CHD5: variants seen among roughly 807,000 people sequenced by gnomAD.
CHD5 encodes the protein ATP-dependent chromatin remodeler CHD5.
In CHD5, 69 loss-of-function variants were observed where a neutral mutation model predicts 230.3. That is an observed-to-expected ratio of 0.30 (90% CI 0.25 to 0.37). The LOEUF (loss-of-function observed/expected upper bound fraction) is 0.37. Ranked by LOEUF, CHD5 falls within the 10% of genes least tolerant of loss-of-function variation. The pLI is 1.00. For synonymous variants in CHD5, 1,064 were observed against 1,065.9 expected (o/e 1.00, Z 0.03); for missense variants, 1,827 against 2,622.8 (o/e 0.70, Z 6.63).
chr1:6,121,475 A>C lies in CHD5; in HGVS notation c.4779+19T>G, dbSNP rs770374971. On this transcript the variant is annotated intron_variant, in intron 32 of 41. Coordinates refer to ENST00000262450, the MANE Select transcript of CHD5 (RefSeq NM_015557.3). This position sits in a 1 kb window ranked among gnomAD's most constrained non-coding sequence, Gnocchi z 4.5. ...CACCCCACACACACCACAGGCCCAGACGCCAGCAAGTTCCACACCTGGACT... is the reference window on the plus strand; with the variant it reads ...CACCCCACACACACCACAGGCCCAGCCGCCAGCAAGTTCCACACCTGGACT... 1.2e-6 allele frequency: 2 copies of C among 1,603,612 alleles called. No homozygotes were observed. The highest frequency in any genetic ancestry group is 1.7e-6 in the Non-Finnish European group (2 of 1,173,940).
At chr1:6,170,829 G>A (rs895708165) in intron 1 of CHD5, among the ~76,000 whole-genome samples, 2 of 152,220 alleles carry the variant, frequency 1.3e-5, no homozygotes, top group African/African-American at 4.8e-5. Flanking sequence ...CTGCAGAGCA[G>A]GTGTCGGTGG....
In CHD5 at chr1:6,126,999, G is replaced by T; in HGVS notation, c.3904-253C>A. 1 of 541,172 alleles carries T rather than the reference G, an allele frequency of 1.8e-6. No homozygotes were observed. Among genetic ancestry groups the T allele is most frequent in the Non-Finnish European group, 3.3e-6 (1 of 300,150 alleles). The allele number at this position is 541,172 out of a possible 1,614,324, so 33.5% of individuals were successfully genotyped here. A position where few individuals can be genotyped will look rare whatever the true frequency, so the allele number is the denominator to read the frequency against. Reference sequence around the variant, plus strand: ...CAAGTATTTCCTCGCCTCCTGTCAAGCACTGAGGTACTGAGTTGAATAAGC... The same window carrying T: ...CAAGTATTTCCTCGCCTCCTGTCAATCACTGAGGTACTGAGTTGAATAAGC... On this transcript the variant is annotated intron_variant, in intron 25 of 41. Transcript: ENST00000262450. This position sits in a 1 kb window ranked among gnomAD's most constrained non-coding sequence, Gnocchi z 5.7.
chr1:6,142,582 C>T lies in CHD5; in HGVS notation c.2067G>A (p.Gln689=), dbSNP rs766302827. The change falls in exon 14 of 42, where the codon CAG becomes CAA. Residue 689 remains glutamine, a synonymous_variant. Coordinates refer to ENST00000262450, the MANE Select transcript of CHD5 (RefSeq NM_015557.3). The surrounding 1 kb of genome is among the most constrained non-coding windows in gnomAD (Gnocchi z 5.2). ...IVDPTVKFDK[Q]PWYIDSTGGT... ...CGCCTGTGGAGTCGATGTACCATGGCTGCTTGTCGAACTTGACCGTGGGCT... is the reference window on the plus strand; with the variant it reads ...CGCCTGTGGAGTCGATGTACCATGGTTGCTTGTCGAACTTGACCGTGGGCT... The T allele has an allele frequency of 3.1e-6, 5 of 1,612,876 alleles. No individual in the cohort carries two copies. Among genetic ancestry groups the T allele is most frequent in the Middle Eastern group, 1.7e-4 (1 of 5,804 alleles).
At chr1:6,176,331 T>C (rs1221847217) in intron 1 of CHD5, among the ~76,000 whole-genome samples, 1 of 152,190 alleles carries the variant, frequency 6.6e-6, no homozygotes, top group Non-Finnish European at 1.5e-5. Flanking sequence ...GGGCCAATTG[T>C]CACTGGGGCC....
intron 1 of CHD5, among the ~76,000 whole-genome samples, chr1:6,173,110 T>G (rs1387582689): frequency 1.2e-5 from 1 of 86,362 alleles, no homozygotes; most frequent in South Asian, 3.3e-4. Context: ...CGTTATTTCT[T>G]TTTTTTTTTT....
In CHD5 at chr1:6,126,951, T is replaced by C. The variant is rs1666568544; in HGVS notation, c.3904-205A>G. The C allele has an allele frequency of 5.1e-6, 3 of 590,400 alleles. No homozygotes were observed. In the South Asian group the frequency reaches 6.1e-5, roughly 12 times the overall value. The allele number at this position is 590,400 out of a possible 1,614,324, so 36.6% of individuals were successfully genotyped here. Reference sequence around the variant, plus strand: ...GCCCCTATCCAGTCAATCATTTACTTATTCATCCATCCATTCACAAAGCAA... The same window carrying C: ...GCCCCTATCCAGTCAATCATTTACTCATTCATCCATCCATTCACAAAGCAA... On this transcript the variant is annotated intron_variant, in intron 25 of 41. Transcript: ENST00000262450. This position sits in a 1 kb window ranked among gnomAD's most constrained non-coding sequence, Gnocchi z 5.7.
chr1:6,152,775 CT>C (rs1024476156), intron 5 of CHD5, among the ~76,000 whole-genome samples: 5 of 152,352 alleles, frequency 3.3e-5, no homozygotes, highest in African/African-American at 1.2e-4. Context: ...CTTGCTGCCC[CT>C]TGTCCATGAC....
Position 6,106,272 on chromosome 1 carries a change from G to A in CHD5, c.*8C>T, listed in dbSNP as rs1381298696. On this transcript the variant is annotated 3_prime_UTR_variant, in exon 41 of 42. Coordinates refer to ENST00000262450, the MANE Select transcript of CHD5 (RefSeq NM_015557.3). ...GAGCGCTGCAACACAGGGAAGTCTC[G>A]AGGACGGCTAGATATCTGTCAAAAA... is the stretch of plus-strand genomic sequence containing the variant. The A allele has an allele frequency of 3.7e-6, 6 of 1,612,814 alleles. No homozygotes were observed. The highest frequency in any genetic ancestry group is 2.2e-5 in the East Asian group (1 of 44,888).
Position 6,126,846 on chromosome 1 carries a change from C to T in CHD5, c.3904-100G>A. On this transcript the variant is annotated intron_variant, in intron 25 of 41. Coordinates refer to ENST00000262450, the MANE Select transcript of CHD5 (RefSeq NM_015557.3). The surrounding 1 kb of genome is among the most constrained non-coding windows in gnomAD (Gnocchi z 5.7). ...TGACCTGCCCTTTGCCCCCTCAGGG[C>T]TCAAGGATTAATGGGATGGCCTGCC... 8.9e-7 allele frequency: 1 copy of T among 1,120,698 alleles called. No homozygotes were observed. Among genetic ancestry groups the T allele is most frequent in the Non-Finnish European group, 1.3e-6 (1 of 776,584 alleles). The allele number at this position is 1,120,698 out of a possible 1,614,324, so 69.4% of individuals were successfully genotyped here.
rs769432794 is a variant in CHD5 at position 6,129,004 on chromosome 1, C to T, written c.3453G>A (p.Arg1151=). 6.2e-7 allele frequency: 1 copy of T among 1,611,934 alleles called. No homozygotes were observed. The highest frequency in any genetic ancestry group is 1.3e-5 in the African/African-American group (1 of 75,038). Residue 1151 remains arginine (R), a synonymous_variant, in exon 23 of 42, where the codon CGG becomes CGA. Transcript: ENST00000262450. The surrounding 1 kb of genome is among the most constrained non-coding windows in gnomAD (Gnocchi z 6.8). The stretch of plus-strand genomic sequence containing the variant: ...GCGTGATGCGCTCCTCCACCGAGGC[C>T]CGAGTCACGAAGCGGTAGATCATCA... ...KKVMIYRFVT[R]ASVEERITQV...
chr1:6,123,999 G>A lies in CHD5; in HGVS notation c.4648C>T (p.Pro1550Ser), dbSNP rs199810631. Residue 1550 changes from proline (P) to serine (S), a missense_variant, in exon 31 of 42, where the codon CCA becomes TCA. By Grantham distance (74) the Pro-to-Ser change is moderately conservative (BLOSUM62 -1). This residue lies in a region of CHD5 where 272 missense variants were observed against 263.2 expected (regional missense o/e 1.03). Coordinates refer to ENST00000262450, the MANE Select transcript of CHD5 (RefSeq NM_015557.3). ...AGGTGGGCAGGGCTGGCGGGCACTG[G>A]TGTGTTGGGGTCCGAGGAGATCACC... The part of the protein sequence containing the change: ...GEVISSDPNT[P>S]VPASPAHLLP... The A allele has an allele frequency of 1.2e-6, 2 of 1,610,578 alleles. No homozygotes were observed. The highest frequency in any genetic ancestry group is 4.5e-5 in the East Asian group (2 of 44,370).
chr1:6,178,958 A>T (rs1667466411), intron 1 of CHD5, among the ~76,000 whole-genome samples: 1 of 152,126 alleles, frequency 6.6e-6, no homozygotes, highest in Non-Finnish European at 1.5e-5. Context: ...GAGAGGCCAC[A>T]GACTTGGCGC....
At chr1:6,145,793 G>C (rs1666899806) in intron 11 of CHD5, among the ~76,000 whole-genome samples, 1 of 152,204 alleles carries the variant, frequency 6.6e-6, no homozygotes, top group Non-Finnish European at 1.5e-5. Context: ...CAGTAAAACA[G>C]AGGTGAAAGT....
chr1:6,166,057 T>C (rs1667247835), intron 2 of CHD5, among the ~76,000 whole-genome samples: 3 of 150,956 alleles, frequency 2.0e-5, no homozygotes, highest in Admixed American at 1.3e-4. Flanking sequence ...GGCCCAGTGG[T>C]AAGGGGGGGT....
intron 17 of CHD5, among the ~76,000 whole-genome samples, chr1:6,136,035 A>C (rs1571152587): frequency 9.6e-6 from 1 of 104,290 alleles, no homozygotes; most frequent in South Asian, 4.4e-4. Context: ...AACAAAAAAA[A>C]AAAACACTGC....
rs1667285641 is a variant in CHD5 at position 6,168,262 on chromosome 1, C to T, written c.95G>A (p.Gly32Asp). 1.3e-6 allele frequency: 2 copies of T among 1,599,246 alleles called. No homozygotes were observed. Among genetic ancestry groups the T allele is most frequent in the African/African-American group, 2.7e-5 (2 of 74,534 alleles). The stretch of plus-strand genomic sequence containing the variant: ...GAAAAAGTCATCGAAGGCTTCAAGA[C>T]CACCATCTTCTTCTTCTGGAAAAAT... ...EDEMSEEEDG[G>D]LEAFDDFFPV... The change falls in exon 2 of 42, where the codon GGT becomes GAT. Residue 32 changes from glycine (G) to aspartate (D), a missense_variant. By Grantham distance (94) the Gly-to-Asp change is moderately conservative (BLOSUM62 -1). Coordinates refer to ENST00000262450, the MANE Select transcript of CHD5 (RefSeq NM_015557.3).
rs551132697 is a variant in CHD5 at position 6,126,546 on chromosome 1, A to C, written c.4078+26T>G. 1.2e-6 allele frequency: 2 copies of C among 1,610,224 alleles called. No homozygotes were observed. The highest frequency in any genetic ancestry group is 1.3e-5 in the African/African-American group (1 of 74,960). ...CACCCTCCGCCTCTGGGTGAGGGGCACCAGTCCCTCCCTCCCGGCACGCAC... is the reference window on the plus strand; with the variant it reads ...CACCCTCCGCCTCTGGGTGAGGGGCCCCAGTCCCTCCCTCCCGGCACGCAC... On this transcript the variant is annotated intron_variant, in intron 26 of 41. Transcript: ENST00000262450. The surrounding 1 kb of genome is among the most constrained non-coding windows in gnomAD (Gnocchi z 5.7).
In CHD5 at chr1:6,109,807, C is replaced by A. The variant is rs762621807; in HGVS notation, c.5566G>T (p.Val1856Phe). ...SLAGNKPANA[V>F]LHKVLNQLEE... The stretch of plus-strand genomic sequence containing the variant: ...AGGACTTGCTCACCCTTGTGCAGGA[C>A]GGCATTGGCAGGCTTGTTCCCAGCA... Residue 1856 changes from valine to phenylalanine, a missense_variant, in exon 38 of 42, where the codon GTC becomes TTC. Around this residue, in one of 14 missense-constraint regions of CHD5, gnomAD observed 208 missense variants for 302.0 expected, o/e 0.69. Coordinates refer to ENST00000262450, the MANE Select transcript of CHD5 (RefSeq NM_015557.3). 3.1e-6 allele frequency: 5 copies of A among 1,612,366 alleles called. No individual in the cohort carries two copies. The South Asian group carries it at 5.5e-5, about 18-fold the overall frequency.
intron 33 of CHD5, among the ~76,000 whole-genome samples, chr1:6,115,881 G>A (rs1279412362): frequency 6.6e-6 from 1 of 152,190 alleles, no homozygotes; most frequent in Non-Finnish European, 1.5e-5. Context: ...GCAGTAATTT[G>A]TGACACAGCC....
Sources: gnomAD v4.1 joint callset for allele counts (sites outside exome capture counted in the v4.1 genomes callset) on GRCh38, gnomAD v4.1.1 for gene constraint, gnomAD v4.1.1 regional missense constraint, Gnocchi (gnomAD v3.1) non-coding constraint, MANE v1.5 for transcripts, NCBI Gene and HGNC (gene_info 2026-07-23, HGNC 2026-07-21) for gene names.